WDR48: variants seen among roughly 807,000 people sequenced by gnomAD.
WDR48 encodes WD repeat domain 48.
In WDR48, 22 loss-of-function variants were observed where a neutral mutation model predicts 94.0. The observed-to-expected ratio is 0.23, with a 90% CI of 0.17 to 0.33. The LOEUF (loss-of-function observed/expected upper bound fraction) is 0.33, where lower values mean the gene tolerates loss of function less well. Ranked by LOEUF, WDR48 falls within the 10% of genes least tolerant of loss-of-function variation. WDR48 has a pLI of 1.00. For synonymous variants in WDR48, 278 were observed against 280.5 expected, an observed-to-expected ratio of 0.99 and a Z score of 0.09; for missense variants, 541 against 813.8, an observed-to-expected ratio of 0.66 and a Z score of 4.08.
chr3:39,089,872 A>G (rs985589616), intron 16 of WDR48: 2 of 152,272 alleles, frequency 1.3e-5, no homozygotes, highest in African/African-American at 4.8e-5. Context: ...TACTGTATAA[A>G]TGTACCATAA....
Position 39,079,781 on chromosome 3 carries a change from T to A in WDR48, c.1146T>A (p.Asn382Lys). ...KRHILTKDTN[N>K]NVAYWDVLKA... ...ATATATTAACCAAAGATACCAATAA[T>A]AATGTGGCATATTGGGATGTATTGA... The change falls in exon 11 of 19, where the codon AAT becomes AAA. Residue 382 changes from asparagine (N) to lysine (K), a missense_variant. By Grantham distance (94) the Asn-to-Lys change is moderately conservative. Coordinates refer to ENST00000302313, the MANE Select transcript of WDR48 (RefSeq NM_020839.4). 1 of 1,557,296 alleles carries A rather than the reference T, an allele frequency of 6.4e-7. No homozygotes were observed. Among genetic ancestry groups the A allele is most frequent in the Non-Finnish European group, 8.6e-7 (1 of 1,158,602 alleles).
chr3:39,093,586 T>G (rs1393255835), intron 17 of WDR48, among the ~76,000 whole-genome samples: 1 of 152,222 alleles, frequency 6.6e-6, no homozygotes, highest in African/African-American at 2.4e-5. Flanking sequence ...TCCACCTGCC[T>G]TGGCCTCCCA....
chr3:39,064,249 T>C (rs1268987296), intron 2 of WDR48, among the ~76,000 whole-genome samples: 1 of 151,906 alleles, frequency 6.6e-6, no homozygotes, highest in Non-Finnish European at 1.5e-5. Flanking sequence ...TCCCTCAAGG[T>C]ACCTATTAGG....
Position 39,052,064 on chromosome 3 carries a change from G to A in WDR48, c.39G>A (p.Arg13=), listed in dbSNP as rs891246457. ...ACCGGCAGAACACAGCAGGGCGGAGGAAAGTGCAGGTATGGAAGCCCGGTT... is the reference window on the plus strand; with the variant it reads ...ACCGGCAGAACACAGCAGGGCGGAGAAAAGTGCAGGTATGGAAGCCCGGTT... The part of the protein sequence containing the change: ...AHHRQNTAGR[R]KVQVSYVIRD... The change falls in exon 1 of 19, where the codon AGG becomes AGA. Residue 13 remains arginine, a synonymous_variant. Transcript: ENST00000302313. 8 of 1,613,780 alleles carry A rather than the reference G, an allele frequency of 5.0e-6. No homozygotes were observed. Among genetic ancestry groups the A allele is most frequent in the African/African-American group, 1.3e-5 (1 of 74,934 alleles).
intron 1 of WDR48, among the ~76,000 whole-genome samples, chr3:39,057,911 G>A (rs145889947): frequency 1.2e-4 from 19 of 152,208 alleles, no homozygotes; most frequent in African/African-American, 3.6e-4. Context: ...GAGCCACTGC[G>A]CCTGGCCCCT....
At chr3:39,065,970 A>C (rs1337513251) in intron 3 of WDR48, 81 bp downstream of exon 3, 2 of 973,908 alleles carry the variant, frequency 2.1e-6, no homozygotes, top group Non-Finnish European at 3.0e-6. Context: ...AAACATACAT[A>C]CAGAAAAGTA....
chr3:39,067,161 G>A (rs2033658701), intron 5 of WDR48, among the ~76,000 whole-genome samples: 1 of 152,198 alleles, frequency 6.6e-6, no homozygotes, highest in Non-Finnish European at 1.5e-5. Flanking sequence ...GGGTAGAGGA[G>A]ACTGTCTTAC....
At chr3:39,058,270 A>G (rs2033028203) in intron 1 of WDR48, among the ~76,000 whole-genome samples, 1 of 152,212 alleles carries the variant, frequency 6.6e-6, no homozygotes, top group Non-Finnish European at 1.5e-5. Context: ...GCCTACATCA[A>G]CATTTTAAGT....
At chr3:39,091,819 C>A in intron 17 of WDR48, 118 bp downstream of exon 17, 1 of 901,440 alleles carries the variant, frequency 1.1e-6, no homozygotes, top group Non-Finnish European at 1.6e-6. Context: ...TTATAATATT[C>A]AAAGTTTATA....
At chr3:39,066,512 C>T (rs770904458) in intron 3 of WDR48, 36 bp from the exon 4 acceptor site, 40 of 1,573,848 alleles carry the variant, frequency 2.5e-5, no homozygotes, top group Non-Finnish European at 3.5e-5. Flanking sequence ...TTAAGTCATA[C>T]TACTAAGGAG....
intron 3 of WDR48, 62 bp from the exon 4 acceptor site, chr3:39,066,486 A>C: frequency 7.3e-7 from 1 of 1,368,348 alleles, no homozygotes; most frequent in South Asian, 1.2e-5. Flanking sequence ...TTGTTGTAAG[A>C]TAAGTTTTCA....
intron 17 of WDR48, among the ~76,000 whole-genome samples, chr3:39,092,221 C>T (rs2035112106): frequency 6.6e-6 from 1 of 152,130 alleles, no homozygotes; most frequent in Non-Finnish European, 1.5e-5. Context: ...TGCCTTAATT[C>T]ACAGTTTAGG....
chr3:39,061,924 C>T (rs964814775), intron 1 of WDR48, among the ~76,000 whole-genome samples: 1 of 152,064 alleles, frequency 6.6e-6, no homozygotes, highest in Admixed American at 6.6e-5. Context: ...ATATCCTTTG[C>T]CCACTTTTTG....
intron 1 of WDR48, chr3:39,052,425 C>G: frequency 8.6e-6 from 2 of 233,344 alleles, no homozygotes; most frequent in Middle Eastern, 1.6e-3. Flanking sequence ...GCTCTGCCCT[C>G]GCTGCGTCGG....
intron 1 of WDR48, among the ~76,000 whole-genome samples, chr3:39,060,402 TAC>T (rs2033177255): frequency 6.9e-6 from 1 of 145,920 alleles, no homozygotes; most frequent in Non-Finnish European, 1.5e-5. Context: ...CATGTGTCAG[TAC>T]AGTGTGTGTG....
chr3:39,092,232 A>G (rs73826206), intron 17 of WDR48, among the ~76,000 whole-genome samples: 10,570 of 152,204 alleles, frequency 0.069, 1,174 homozygotes, highest in African/African-American at 0.23. Context: ...ACAGTTTAGG[A>G]CCCAACCTGT....
intron 13 of WDR48, among the ~76,000 whole-genome samples, chr3:39,085,189 T>C (rs984315400): frequency 1.8e-4 from 28 of 151,684 alleles, no homozygotes; most frequent in African/African-American, 6.5e-4. Context: ...ATTGCACCAC[T>C]GCGCTCCAGC....
chr3:39,064,171 T>C (rs2033450454), intron 2 of WDR48, among the ~76,000 whole-genome samples: 1 of 152,204 alleles, frequency 6.6e-6, no homozygotes, highest in Admixed American at 6.5e-5. Flanking sequence ...AGAGCATTTA[T>C]TGATCTTCTA....
Position 39,078,283 on chromosome 3 carries a change from T to C in WDR48, c.1075+44T>C, listed in dbSNP as rs1312692409. 2.2e-6 allele frequency: 3 copies of C among 1,351,350 alleles called. No individual in the cohort carries two copies. In the African/African-American group the frequency reaches 4.4e-5, roughly 20 times the overall value. The allele number at this position is 1,351,350 out of a possible 1,614,324, so 83.7% of individuals were successfully genotyped here. A position where few individuals can be genotyped will look rare whatever the true frequency, so the allele number is the denominator to read the frequency against. The stretch of plus-strand genomic sequence containing the variant: ...CTGTACCCCTTATTGAAGTTAGCGA[T>C]AGTTACTTAGAGATTGACAAAAATC... On this transcript the variant is annotated intron_variant, in intron 10 of 18. Coordinates refer to ENST00000302313, the MANE Select transcript of WDR48 (RefSeq NM_020839.4).
Sources: gnomAD v4.1 joint callset for allele counts (sites outside exome capture counted in the v4.1 genomes callset) on GRCh38, gnomAD v4.1.1 for gene constraint, MANE v1.5 for transcripts, NCBI Gene and HGNC (gene_info 2026-07-23, HGNC 2026-07-21) for gene names.